Variants in DOCK1 observed in about 807,000 individuals in gnomAD.
The protein encoded by DOCK1 is dedicator of cytokinesis protein 1.
A neutral mutation model predicts 262.7 loss-of-function variants in DOCK1; 138 were observed. That is an observed-to-expected ratio of 0.53 (90% CI 0.46 to 0.61). The LOEUF is 0.61. Ranked by LOEUF, DOCK1 falls within the 20% of genes least tolerant of loss-of-function variation. DOCK1 has a pLI of 0.00. For missense variants in DOCK1, 1,908 were observed against 2,370.7 expected (o/e 0.80, Z 4.05); for synonymous variants, 866 against 867.4 (o/e 1.00, Z 0.03).
At chr10:127,044,103 A>G (rs905544026) in intron 21 of DOCK1, among the ~76,000 whole-genome samples, 1 of 152,178 alleles carries the variant, frequency 6.6e-6, no homozygotes, top group Non-Finnish European at 1.5e-5. Context: ...TTCTTTAAGA[A>G]CATCCCGCTT....
At chr10:127,242,463 T>A (rs973680189) in intron 27 of DOCK1, among the ~76,000 whole-genome samples, 1 of 152,204 alleles carries the variant, frequency 6.6e-6, no homozygotes, top group Non-Finnish European at 1.5e-5. Flanking sequence ...TTCTATCTTA[T>A]CAGCTCTAAG....
chr10:127,257,775 T>C, intron 29 of DOCK1: 1 of 182,258 alleles, frequency 5.5e-6, no homozygotes, highest in Non-Finnish European at 1.1e-5. Context: ...CTAGGCACTG[T>C]CAGCTCCATG....
intron 1 of DOCK1, among the ~76,000 whole-genome samples, chr10:126,911,174 T>G (rs1190258936): frequency 6.6e-6 from 1 of 152,202 alleles, no homozygotes; most frequent in Non-Finnish European, 1.5e-5. Flanking sequence ...AGTGTATATG[T>G]GATTGTAGAT....
At chr10:126,970,552 C>A in intron 1 of DOCK1, 150 bp from the exon 2 acceptor site, 1 of 577,070 alleles carries the variant, frequency 1.7e-6, no homozygotes. Context: ...AAGAAAAGGT[C>A]ACTTCTGTGG....
intron 21 of DOCK1, among the ~76,000 whole-genome samples, chr10:127,044,159 A>T (rs2044191724): frequency 1.3e-5 from 2 of 152,158 alleles, no homozygotes; most frequent in Non-Finnish European, 2.9e-5. Flanking sequence ...AATTTAGTTA[A>T]AACTCCCTTC....
Position 127,439,120 on chromosome 10 carries a change from G to T in DOCK1, c.5154G>T (p.Lys1718Asn), listed in dbSNP as rs1051016. The change falls in exon 49 of 52, where the codon AAG becomes AAT. Residue 1718 changes from lysine (K) to asparagine (N), a missense_variant. Around this residue, in one of 9 missense-constraint regions of DOCK1, gnomAD observed 383 missense variants for 420.1 expected, o/e 0.91. Coordinates refer to ENST00000623213, the MANE Select transcript of DOCK1 (RefSeq NM_001290223.2). Reference protein sequence around the residue: ...KDDLEKEKKDKKKEKRNSKHQ... With the variant: ...KDDLEKEKKDNKKEKRNSKHQ... ...ACCTGGAGAAGGAGAAGAAGGACAA[G>T]AAGAAGGAAAAAAGGAACAGCAAAC... 4 of 1,591,696 alleles carry T rather than the reference G, an allele frequency of 2.5e-6. No homozygotes were observed. Among genetic ancestry groups the T allele is most frequent in the Non-Finnish European group, 3.4e-6 (4 of 1,168,906 alleles).
intron 48 of DOCK1, among the ~76,000 whole-genome samples, chr10:127,438,103 C>T (rs977163729): frequency 6.6e-6 from 1 of 152,208 alleles, no homozygotes; most frequent in Non-Finnish European, 1.5e-5. Context: ...AACCATCTCT[C>T]CTGACTCCTC....
chr10:127,417,901 T>C (rs2068257777), intron 44 of DOCK1, among the ~76,000 whole-genome samples: 1 of 152,026 alleles, frequency 6.6e-6, no homozygotes, highest in African/African-American at 2.4e-5. Context: ...CATGATGGTG[T>C]GTGGTGCCAT....
intron 1 of DOCK1, among the ~76,000 whole-genome samples, chr10:126,965,802 A>C: frequency 6.6e-6 from 1 of 152,310 alleles, no homozygotes; most frequent in Middle Eastern, 3.4e-3. Context: ...GTACACCTTC[A>C]TGTGGTACAT....
intron 27 of DOCK1, among the ~76,000 whole-genome samples, chr10:127,200,699 C>T (rs533642422): frequency 2.0e-5 from 3 of 152,248 alleles, no homozygotes; most frequent in South Asian, 2.1e-4. Context: ...CCACTGCGCC[C>T]GATATTATTA....
chr10:127,224,517 C>T (rs1397409624), intron 27 of DOCK1, among the ~76,000 whole-genome samples: 7 of 151,488 alleles, frequency 4.6e-5, no homozygotes, highest in Non-Finnish European at 1.0e-4. Flanking sequence ...CAAGATCATG[C>T]CACTGTACTC....
At chr10:127,226,082 A>G (rs1325504997) in intron 27 of DOCK1, among the ~76,000 whole-genome samples, 1 of 150,550 alleles carries the variant, frequency 6.6e-6, no homozygotes. Flanking sequence ...TCTGTCTCAA[A>G]AAAAAAAAAA....
chr10:127,009,185 AAAAC>A (rs1328860207), intron 11 of DOCK1, among the ~76,000 whole-genome samples: 10 of 152,344 alleles, frequency 6.6e-5, no homozygotes, highest in Admixed American at 3.9e-4. Flanking sequence ...TTAAAATAAA[AAAAC>A]AAACAATTAT....
intron 27 of DOCK1, among the ~76,000 whole-genome samples, chr10:127,170,237 T>C (rs564596236): frequency 1.3e-5 from 2 of 152,150 alleles, no homozygotes; most frequent in Admixed American, 6.5e-5. Flanking sequence ...ATCATACTCT[T>C]GCCTTTGCTC....
chr10:127,261,310 TGC>T lies in DOCK1; in HGVS notation c.3044+3882_3044+3883del, dbSNP rs1377193155. Among the ~76,000 whole-genome samples, 50 of 51,308 alleles carry T rather than the reference TGC, an allele frequency of 9.7e-4. 1 individual carries two copies. The highest frequency in any genetic ancestry group is 3.2e-3 in the African/African-American group (46 of 14,326). The allele number at this position is 51,308 out of a possible 152,430, so 33.7% of individuals were successfully genotyped here. A position where few individuals can be genotyped will look rare whatever the true frequency, so the allele number is the denominator to read the frequency against. ...GTGTGCATGTGGGTGTGTGTGTGTG[TGC>T]CTGCATGTGTGTGCATGTGGGTGTG... On this transcript the variant is annotated intron_variant, in intron 29 of 51. Coordinates refer to ENST00000623213, the MANE Select transcript of DOCK1 (RefSeq NM_001290223.2).
At chr10:127,134,399 G>A (rs2050520076) in intron 27 of DOCK1, among the ~76,000 whole-genome samples, 2 of 152,182 alleles carry the variant, frequency 1.3e-5, no homozygotes, top group Admixed American at 6.5e-5. Context: ...GGGTACATGG[G>A]AAATGCTGCC....
rs528865415 is a variant in DOCK1 at position 127,239,231 on chromosome 10, G to A, written c.2848-8777G>A. Among the ~76,000 whole-genome samples, 17 of 152,252 alleles carry A rather than the reference G, an allele frequency of 1.1e-4. 2 individuals are homozygous for A. The highest frequency in any genetic ancestry group is 1.1e-3 in the Admixed American group (17 of 15,288). On this transcript the variant is annotated intron_variant, in intron 27 of 51. Coordinates refer to ENST00000623213, the MANE Select transcript of DOCK1 (RefSeq NM_001290223.2). ...AAGCTATTGGATGATCACTTGTCATGTGCAGTGTTTGAGCATACAACCGCA... is the reference window on the plus strand; with the variant it reads ...AAGCTATTGGATGATCACTTGTCATATGCAGTGTTTGAGCATACAACCGCA...
intron 29 of DOCK1, among the ~76,000 whole-genome samples, chr10:127,272,552 G>C (rs77989822): frequency 0.058 from 8,868 of 152,306 alleles, 327 homozygotes; most frequent in Non-Finnish European, 0.086. Flanking sequence ...TTCTCAACAT[G>C]CAATCTATTT....
At chr10:127,235,287 C>T (rs191182735) in intron 27 of DOCK1, among the ~76,000 whole-genome samples, 7 of 152,060 alleles carry the variant, frequency 4.6e-5, no homozygotes, top group East Asian at 3.9e-4. Flanking sequence ...TTTCCATTTC[C>T]GTAAAAATAT....
Sources: allele counts gnomAD v4.1 joint callset (sites outside exome capture counted in the v4.1 genomes callset), GRCh38; gene constraint gnomAD v4.1.1; regional missense constraint gnomAD v4.1.1; transcripts MANE v1.5; gene names NCBI Gene and HGNC (gene_info 2026-07-23, HGNC 2026-07-21).